HNF4G: variants seen among roughly 807,000 people sequenced by gnomAD.
HNF4G encodes the protein hepatocyte nuclear factor 4-gamma.
In HNF4G, 21 loss-of-function variants were observed where a neutral mutation model predicts 50.9. The observed-to-expected ratio is 0.41, with a 90% CI of 0.29 to 0.59. The LOEUF (loss-of-function observed/expected upper bound fraction) is 0.59. HNF4G is among the 20% of genes least tolerant of loss of function. The pLI, the probability that HNF4G is intolerant of heterozygous loss-of-function variation, is 0.26. For missense variants in HNF4G, 527 were observed against 559.4 expected (o/e 0.94, Z 0.58); for synonymous variants, 198 against 185.6 (o/e 1.07, Z -0.54).
At position 75,565,018 on chromosome 8, in the gene HNF4G, C is replaced by G. The variant is rs912991019; in HGVS notation, c.*922C>G. The G allele has an allele frequency of 1.3e-5, 2 of 152,148 alleles. No individual in the cohort carries two copies. Among genetic ancestry groups the G allele is most frequent in the Non-Finnish European group, 2.9e-5 (2 of 68,026 alleles). The allele number at this position is 152,148 out of a possible 1,614,324, so 9.4% of individuals were successfully genotyped here. ...AGTTAGCCATCTACCACCCATGTCC[C>G]TTATTTGGTCCTCACAATAACACTT... On this transcript the variant is annotated 3_prime_UTR_variant, in exon 10 of 10. Transcript: ENST00000396423.
chr8:75,565,190 G>C lies in HNF4G; in HGVS notation c.*1094G>C, dbSNP rs749914646. On this transcript the variant is annotated 3_prime_UTR_variant, in exon 10 of 10. Transcript: ENST00000396423. Reference sequence around the variant, plus strand: ...GTTGACTTTAATGAATCTTTGGTGTGGAATGAAAAATGTGAACTTCTTACT... The same window carrying C: ...GTTGACTTTAATGAATCTTTGGTGTCGAATGAAAAATGTGAACTTCTTACT... The C allele has an allele frequency of 1.3e-5, 2 of 152,126 alleles. No individual in the cohort carries two copies. The highest frequency in any genetic ancestry group is 2.9e-5 in the Non-Finnish European group (2 of 68,028). 9.4% of individuals were successfully genotyped at this position (152,126 alleles called of 1,614,324 possible).
chr8:75,522,981 C>T (rs766398127), intron 2 of HNF4G, among the ~76,000 whole-genome samples: 1 of 152,046 alleles, frequency 6.6e-6, no homozygotes, highest in Non-Finnish European at 1.5e-5. Context: ...AATCCCAGCA[C>T]TTTGGGAGGT....
intron 1 of HNF4G, among the ~76,000 whole-genome samples, chr8:75,450,207 A>G (rs1811553635): frequency 6.6e-6 from 1 of 152,210 alleles, no homozygotes; most frequent in Non-Finnish European, 1.5e-5. Flanking sequence ...AGGCCGAATA[A>G]TATTCAATTG....
chr8:75,472,609 T>G (rs1257639252), intron 1 of HNF4G, among the ~76,000 whole-genome samples: 1 of 152,192 alleles, frequency 6.6e-6, no homozygotes, highest in Non-Finnish European at 1.5e-5. Context: ...ATTCATCTCT[T>G]GAAAGATGTT....
intron 1 of HNF4G, among the ~76,000 whole-genome samples, chr8:75,448,487 T>TAAAAAAAAAAAAAAAAAAAAAAACTTAA (rs36100694): frequency 9.4e-6 from 1 of 105,866 alleles, no homozygotes; most frequent in Non-Finnish European, 1.8e-5. Context: ...AAGACCTCTT[T>TAAAAAAAAAAAAAAAAAAAAAAACTTAA]AAAAAAAAAA....
intron 1 of HNF4G, among the ~76,000 whole-genome samples, chr8:75,434,002 C>CTTTTTTTTTTTTT (rs139429237): frequency 8.1e-6 from 1 of 123,280 alleles, no homozygotes; most frequent in Non-Finnish European, 1.7e-5. Context: ...TGTTTCTTTT[C>CTTTTTTTTTTTTT]TTTTTTTTTT....
intron 2 of HNF4G, among the ~76,000 whole-genome samples, chr8:75,525,820 GC>G (rs1806162727): frequency 6.6e-6 from 1 of 152,164 alleles, no homozygotes; most frequent in Non-Finnish European, 1.5e-5. Context: ...CATTTTAAAT[GC>G]CTGAGATTCC....
intron 6 of HNF4G, 84 bp downstream of exon 6, chr8:75,556,153 A>T: frequency 3.4e-6 from 2 of 587,274 alleles, no homozygotes; most frequent in Non-Finnish European, 5.7e-6. Flanking sequence ...TGTATGTACC[A>T]AGTATTTACA....
At chr8:75,417,605 A>G (rs190325438) in intron 1 of HNF4G, among the ~76,000 whole-genome samples, 1 of 152,356 alleles carries the variant, frequency 6.6e-6, no homozygotes, top group African/African-American at 2.4e-5. Flanking sequence ...TTCTAAAGCT[A>G]AAAATGAAAT....
chr8:75,456,929 G>A (rs1020553192), intron 1 of HNF4G, among the ~76,000 whole-genome samples: 3 of 151,972 alleles, frequency 2.0e-5, no homozygotes, highest in African/African-American at 7.3e-5. Context: ...ATTATTTGTA[G>A]AGATGAGGTC....
At chr8:75,494,393 G>C (rs992886803) in intron 2 of HNF4G, among the ~76,000 whole-genome samples, 1 of 150,954 alleles carries the variant, frequency 6.6e-6, no homozygotes, top group East Asian at 1.9e-4. Flanking sequence ...TCATGTGATA[G>C]ATACGTGAAA....
At chr8:75,408,717 T>C (rs1177029286) in intron 1 of HNF4G, among the ~76,000 whole-genome samples, 1 of 152,224 alleles carries the variant, frequency 6.6e-6, no homozygotes, top group Non-Finnish European at 1.5e-5. Flanking sequence ...TCATACCTGA[T>C]GATCTGTGCT....
At chr8:75,533,995 A>G (rs1219702848) in intron 2 of HNF4G, among the ~76,000 whole-genome samples, 1 of 151,916 alleles carries the variant, frequency 6.6e-6, no homozygotes, top group Non-Finnish European at 1.5e-5. Context: ...GTTCAAGTCT[A>G]AATTGCACTC....
intron 2 of HNF4G, among the ~76,000 whole-genome samples, chr8:75,498,082 T>G (rs1585896838): frequency 6.6e-6 from 1 of 152,222 alleles, no homozygotes; most frequent in East Asian, 1.9e-4. Context: ...ATATGCTTAA[T>G]GCAAGAGATA....
At chr8:75,495,362 A>T (rs1215514110) in intron 2 of HNF4G, 1 of 152,082 alleles carries the variant, frequency 6.6e-6, no homozygotes, top group African/African-American at 2.4e-5. Context: ...TTATTATTAT[A>T]TTAAAGAAGA....
intron 2 of HNF4G, among the ~76,000 whole-genome samples, chr8:75,531,615 A>G (rs1388205201): frequency 1.3e-5 from 2 of 152,056 alleles, no homozygotes; most frequent in Non-Finnish European, 2.9e-5. Flanking sequence ...CTTCATATCT[A>G]TGGGTTTCAT....
chr8:75,429,348 AT>A (rs1810955820), intron 1 of HNF4G, among the ~76,000 whole-genome samples: 1 of 152,012 alleles, frequency 6.6e-6, no homozygotes, highest in African/African-American at 2.4e-5. Context: ...GTGTAACTCC[AT>A]TTTTCTCTCT....
At chr8:75,491,742 C>T (rs967573148) in intron 2 of HNF4G, among the ~76,000 whole-genome samples, 22 of 152,144 alleles carry the variant, frequency 1.4e-4, no homozygotes, top group African/African-American at 5.1e-4. Flanking sequence ...TCCCAAAGTG[C>T]TAAGATTACA....
intron 1 of HNF4G, among the ~76,000 whole-genome samples, chr8:75,474,096 G>T (rs774065567): frequency 2.6e-5 from 4 of 151,986 alleles, no homozygotes; most frequent in Non-Finnish European, 4.4e-5. Flanking sequence ...AAGGCCAGAA[G>T]GTCTTTAAAA....
Sources: allele counts gnomAD v4.1 joint callset (sites outside exome capture counted in the v4.1 genomes callset), GRCh38; gene constraint gnomAD v4.1.1; transcripts MANE v1.5; gene names NCBI Gene and HGNC (gene_info 2026-07-23, HGNC 2026-07-21).